The following DNM2 variants were observed in gnomAD, a reference collection of about 807,000 sequenced individuals.
DNM2 encodes dynamin 2.
A neutral mutation model predicts 99.0 loss-of-function variants in DNM2; 15 were observed. The observed-to-expected ratio is 0.15, with a 90% CI of 0.10 to 0.23. The LOEUF (loss-of-function observed/expected upper bound fraction) is 0.23, where lower values mean the gene tolerates loss of function less well. DNM2 is among the 10% of genes least tolerant of loss of function. The pLI is 1.00. For missense variants in DNM2, 742 were observed against 1,189.4 expected (o/e 0.62, Z 5.53); for synonymous variants, 525 against 481.2 (o/e 1.09, Z -1.19).
chr19:10,727,005 C>G (rs558344782), intron 1 of DNM2, among the ~76,000 whole-genome samples: 4 of 152,148 alleles, frequency 2.6e-5, no homozygotes, highest in Non-Finnish European at 5.9e-5. Context: ...TGTTAGGTAC[C>G]AGATGAAATG....
chr19:10,779,760 A>C (rs568757777), intron 5 of DNM2, among the ~76,000 whole-genome samples: 1 of 151,508 alleles, frequency 6.6e-6, no homozygotes, highest in East Asian at 1.9e-4. Flanking sequence ...ATCTCAGCTG[A>C]CTGCAACCTC....
At position 10,812,153 on chromosome 19, in the gene DNM2, GTC is replaced by G. The variant is rs1281700558; in HGVS notation, c.1558-107_1558-106del. On this transcript the variant is annotated intron_variant, in intron 14 of 20. Transcript: ENST00000389253. The surrounding 1 kb of genome is among the most constrained non-coding windows in gnomAD (Gnocchi z 4.0). ...TTTCCTGGGCTTTGGGGCTGGAGGT[GTC>G]TCTATTGCGGTCCCTGGCTTCCCAC... is the stretch of plus-strand genomic sequence containing the variant. The G allele has an allele frequency of 3.4e-6, 3 of 872,436 alleles. No individual in the cohort carries two copies. The African/African-American group carries it at 5.0e-5, about 15-fold the overall frequency. The allele number at this position is 872,436 out of a possible 1,614,324, so 54.0% of individuals were successfully genotyped here.
chr19:10,787,372 G>A (rs977960109), intron 7 of DNM2, among the ~76,000 whole-genome samples: 2 of 151,996 alleles, frequency 1.3e-5, no homozygotes, highest in Non-Finnish European at 1.5e-5. Flanking sequence ...TTGGGAGGCT[G>A]AGGCAGGAGA....
chr19:10,784,438 G>A (rs1445579580), intron 6 of DNM2, among the ~76,000 whole-genome samples: 3 of 152,142 alleles, frequency 2.0e-5, no homozygotes, highest in African/African-American at 7.2e-5. Context: ...GGAGAGGAAG[G>A]GAAGTAAAAC....
intron 1 of DNM2, among the ~76,000 whole-genome samples, chr19:10,727,745 C>T (rs755019802): frequency 3.9e-5 from 6 of 152,082 alleles, no homozygotes; most frequent in African/African-American, 1.2e-4. Context: ...GTCTCGCTGT[C>T]GCTCTCAGCG....
intron 7 of DNM2, 38 bp downstream of exon 7, chr19:10,786,744 C>T: frequency 6.2e-7 from 1 of 1,613,138 alleles, no homozygotes; most frequent in Non-Finnish European, 8.5e-7. Context: ...ACCACCCTGG[C>T]CCCTGCCTTC....
intron 1 of DNM2, among the ~76,000 whole-genome samples, chr19:10,746,805 C>T (rs2070002814): frequency 7.3e-6 from 1 of 137,214 alleles, no homozygotes; most frequent in African/African-American, 2.8e-5. Flanking sequence ...CTCACAATCT[C>T]AGCTCACTGT....
chr19:10,761,606 C>T (rs1030785047), intron 2 of DNM2, among the ~76,000 whole-genome samples: 2 of 152,136 alleles, frequency 1.3e-5, no homozygotes, highest in Admixed American at 6.6e-5. Context: ...CTTTTAAATA[C>T]TCTCACACTG....
chr19:10,805,072 A>C (rs1423210625), intron 12 of DNM2, among the ~76,000 whole-genome samples: 1 of 152,226 alleles, frequency 6.6e-6, no homozygotes. Context: ...GTCCACATAT[A>C]AAATATAGTG....
intron 5 of DNM2, among the ~76,000 whole-genome samples, chr19:10,782,343 T>TTTTTCTTTTTC (rs1236311179): frequency 4.8e-4 from 2 of 4,152 alleles, no homozygotes; most frequent in Non-Finnish European, 1.6e-3. Flanking sequence ...CTTGAGATTT[T>TTTTTCTTTTTC]TTTTCTTTTT....
chr19:10,813,026 G>A (rs758757920), intron 15 of DNM2, among the ~76,000 whole-genome samples: 52 of 152,230 alleles, frequency 3.4e-4, no homozygotes, highest in Admixed American at 9.2e-4. Context: ...GCTCAGGCAT[G>A]CAGCCAGCCT....
intron 11 of DNM2, among the ~76,000 whole-genome samples, chr19:10,799,995 T>C (rs1336836999): frequency 6.6e-6 from 1 of 151,980 alleles, no homozygotes; most frequent in Non-Finnish European, 1.5e-5. Flanking sequence ...TAGCTGGGAC[T>C]ATAGGCGTGA....
At chr19:10,720,216 A>AAT (rs2068892363) in intron 1 of DNM2, among the ~76,000 whole-genome samples, 1 of 140,674 alleles carries the variant, frequency 7.1e-6, no homozygotes, top group African/African-American at 2.6e-5. Context: ...TTATTTATTT[A>AAT]TTTTTTTTTT....
Position 10,759,930 on chromosome 19 carries a change from G to A in DNM2, c.235+119G>A, listed in dbSNP as rs570683603. On this transcript the variant is annotated intron_variant, in intron 2 of 20. Coordinates refer to ENST00000389253, the MANE Select transcript of DNM2 (RefSeq NM_001005361.3). ...GGCTGTCATTGGACATTGAATTCAC[G>A]TGTTCCACATGTGTGAGGAAATTGA... The A allele has an allele frequency of 2.9e-5, 39 of 1,365,418 alleles. No individual in the cohort carries two copies. The East Asian group carries it at 5.3e-4, about 18-fold the overall frequency. 84.6% of individuals were successfully genotyped at this position (1,365,418 alleles called of 1,614,324 possible). A position where few individuals can be genotyped will look rare whatever the true frequency, so the allele number is the denominator to read the frequency against.
chr19:10,757,711 A>G (rs1265012377), intron 1 of DNM2, among the ~76,000 whole-genome samples: 1 of 152,130 alleles, frequency 6.6e-6, no homozygotes, highest in African/African-American at 2.4e-5. Context: ...TTGGGAGGCC[A>G]AGGCGGGCAG....
intron 1 of DNM2, chr19:10,755,480 T>TTG (rs1383017254): frequency 6.6e-6 from 1 of 151,190 alleles, no homozygotes; most frequent in Non-Finnish European, 1.5e-5. Context: ...TTTTTTTTTT[T>TTG]GAGACAGAGT....
rs971303206 is a variant in DNM2 at position 10,732,470 on chromosome 19, A to G, written c.161+14067A>G. On this transcript the variant is annotated intron_variant, in intron 1 of 20. Coordinates refer to ENST00000389253, the MANE Select transcript of DNM2 (RefSeq NM_001005361.3). ...AAAGAATTAGCTGGGCGTGGTGGCG[A>G]GCGCCTGTAGTCCCAGCTACTCGGG... Among the ~76,000 whole-genome samples, 13 of 151,550 alleles carry G rather than the reference A, an allele frequency of 8.6e-5. No homozygotes were observed. The East Asian group carries it at 1.0e-3, about 12-fold the overall frequency.
chr19:10,796,898 C>T lies in DNM2; in HGVS notation c.1197-482C>T, dbSNP rs2071955681. Among the ~76,000 whole-genome samples, 1 of 152,162 alleles carries T rather than the reference C, an allele frequency of 6.6e-6. No homozygotes were observed. Among genetic ancestry groups the T allele is most frequent in the Admixed American group, 6.5e-5 (1 of 15,278 alleles). On this transcript the variant is annotated intron_variant, in intron 9 of 20. Coordinates refer to ENST00000389253, the MANE Select transcript of DNM2 (RefSeq NM_001005361.3). This position sits in a 1 kb window ranked among gnomAD's most constrained non-coding sequence, Gnocchi z 5.6. ...CGCTTTGGCCAAGCAGCTGAAATGC[C>T]TCCCAGTGGGCAGTCTGTGCTTGCG...
chr19:10,787,617 C>T (rs562832133), intron 7 of DNM2, among the ~76,000 whole-genome samples: 33 of 137,500 alleles, frequency 2.4e-4, no homozygotes, highest in African/African-American at 5.8e-4. Context: ...TAGCCGGGCG[C>T]GGTGGTGGGC....
Sources: gnomAD v4.1 joint callset for allele counts (sites outside exome capture counted in the v4.1 genomes callset) on GRCh38, gnomAD v4.1.1 for gene constraint, Gnocchi (gnomAD v3.1) non-coding constraint, MANE v1.5 for transcripts, NCBI Gene and HGNC (gene_info 2026-07-23, HGNC 2026-07-21) for gene names.